Variants in KHDRBS2 observed in about 807,000 individuals in gnomAD.
The protein encoded by KHDRBS2 is KH domain-containing, RNA-binding, signal transduction-associated protein 2.
Under a neutral mutation model 44.3 loss-of-function variants are expected in KHDRBS2, and 26 were observed. That is an observed-to-expected ratio of 0.59 (90% CI 0.43 to 0.81). The LOEUF is 0.81. Among genes scored for constraint, KHDRBS2 ranks in the 40% least tolerant of loss-of-function variants. The pLI, the probability that KHDRBS2 is intolerant of heterozygous loss-of-function variation, is 0.00. For synonymous variants in KHDRBS2, 194 were observed against 151.1 expected (o/e 1.28, Z -2.08); for missense variants, 476 against 433.1 (o/e 1.10, Z -0.88).
intron 1 of KHDRBS2, among the ~76,000 whole-genome samples, chr6:62,229,858 C>G (rs1832608599): frequency 6.6e-6 from 1 of 152,174 alleles, no homozygotes; most frequent in Non-Finnish European, 1.5e-5. Flanking sequence ...AATCTGGATA[C>G]CTCGGTTGCT....
chr6:61,997,818 G>A (rs1169851484), intron 3 of KHDRBS2, among the ~76,000 whole-genome samples: 1 of 152,074 alleles, frequency 6.6e-6, no homozygotes, highest in Non-Finnish European at 1.5e-5. Context: ...ACATTCTGTT[G>A]CCATTCTCCA....
At chr6:61,657,264 C>T in the KHDRBS2 span, among the ~76,000 whole-genome samples, 3 of 151,952 alleles carry the variant, frequency 2.0e-5, no homozygotes, top group Non-Finnish European at 4.4e-5. Context: ...CGACTTTTAC[C>T]CTTATTTTCA....
At chr6:61,671,679 T>C in the KHDRBS2 span, among the ~76,000 whole-genome samples, 459 of 151,834 alleles carry the variant, frequency 3.0e-3, 5 homozygotes, top group African/African-American at 0.011. Flanking sequence ...AACTAGAATT[T>C]AACTAGAATT....
intron 4 of KHDRBS2, among the ~76,000 whole-genome samples, chr6:61,907,392 A>G (rs1476183362): frequency 6.6e-6 from 1 of 152,136 alleles, no homozygotes; most frequent in African/African-American, 2.4e-5. Context: ...TTTGCTGTGC[A>G]GAAGCCTTTT....
intron 2 of KHDRBS2, among the ~76,000 whole-genome samples, chr6:62,146,317 G>A (rs762910812): frequency 6.6e-6 from 1 of 151,704 alleles, no homozygotes; most frequent in Non-Finnish European, 1.5e-5. Flanking sequence ...GGTGGCATAC[G>A]ATCCAAGGTT....
At chr6:61,588,119 G>GTTCAAT in the KHDRBS2 span, among the ~76,000 whole-genome samples, 1 of 152,182 alleles carries the variant, frequency 6.6e-6, no homozygotes, top group African/African-American at 2.4e-5. Context: ...GGAGCCCTTA[G>GTTCAAT]TTCCATTTCC....
intron 6 of KHDRBS2, among the ~76,000 whole-genome samples, chr6:61,788,117 G>A (rs76087742): frequency 1.3e-5 from 2 of 151,414 alleles, no homozygotes; most frequent in South Asian, 2.1e-4. Context: ...TTACAAATAC[G>A]GACAAAATAA....
chr6:61,631,737 T>G, the KHDRBS2 span, among the ~76,000 whole-genome samples: 1 of 152,150 alleles, frequency 6.6e-6, no homozygotes, highest in Non-Finnish European at 1.5e-5. Flanking sequence ...AGTTATTTTG[T>G]TAAACAACTT....
intron 6 of KHDRBS2, among the ~76,000 whole-genome samples, chr6:61,754,056 A>G (rs1359616822): frequency 6.6e-6 from 1 of 152,168 alleles, no homozygotes; most frequent in East Asian, 1.9e-4. Flanking sequence ...ACAAGTTCTC[A>G]TGACACCTTT....
intron 6 of KHDRBS2, among the ~76,000 whole-genome samples, chr6:61,749,454 T>G (rs1040426054): frequency 1.3e-5 from 2 of 152,218 alleles, no homozygotes; most frequent in Non-Finnish European, 2.9e-5. Context: ...CAAACTTTAC[T>G]GTAGAAGCAT....
chr6:61,822,791 G>T lies in KHDRBS2; in HGVS notation c.810+71844C>A, dbSNP rs1790148522. ...ACTCTATCTTCATTCTCTAAGCTGT[G>T]ACATGGGCTATAACCTCAACTAAAT... On this transcript the variant is annotated intron_variant, in intron 6 of 8. Transcript: ENST00000281156. Among the ~76,000 whole-genome samples the T allele has an allele frequency of 2.6e-5, 4 of 152,084 alleles. No homozygotes were observed. The South Asian group carries it at 8.3e-4, about 32-fold the overall frequency.
intron 2 of KHDRBS2, among the ~76,000 whole-genome samples, chr6:62,121,845 T>G (rs1395440296): frequency 6.6e-6 from 1 of 152,176 alleles, no homozygotes; most frequent in Non-Finnish European, 1.5e-5. Flanking sequence ...TAAATCTGAC[T>G]AAAATTCAGG....
At chr6:61,826,918 C>A (rs1322872475) in intron 6 of KHDRBS2, among the ~76,000 whole-genome samples, 3 of 152,108 alleles carry the variant, frequency 2.0e-5, no homozygotes, top group Non-Finnish European at 4.4e-5. Flanking sequence ...ACATAGCTAG[C>A]TAGAAGATGC....
chr6:62,162,401 C>T lies in KHDRBS2; in HGVS notation c.219+14784G>A, dbSNP rs191824197. 2.0e-5 allele frequency among the ~76,000 whole-genome samples: 3 copies of T among 152,144 alleles called. No individual in the cohort carries two copies. The East Asian group carries it at 5.8e-4, about 29-fold the overall frequency. On this transcript the variant is annotated intron_variant, in intron 2 of 8. Transcript: ENST00000281156. Reference sequence around the variant, plus strand: ...CATTTTAGCACTTGAGATATATTTTCCCACTGCCTTCTGGTCTCTATAGTT... The same window carrying T: ...CATTTTAGCACTTGAGATATATTTTTCCACTGCCTTCTGGTCTCTATAGTT...
chr6:61,971,471 A>G (rs964210428), intron 4 of KHDRBS2, among the ~76,000 whole-genome samples: 2 of 152,138 alleles, frequency 1.3e-5, no homozygotes, highest in Non-Finnish European at 2.9e-5. Flanking sequence ...CTAGAAGTTG[A>G]AGATACATTT....
At chr6:61,568,642 C>G in the KHDRBS2 span, among the ~76,000 whole-genome samples, 1 of 152,082 alleles carries the variant, frequency 6.6e-6, no homozygotes, top group African/African-American at 2.4e-5. Context: ...ACTGGAGAAT[C>G]TGAAAATCCA....
chr6:62,037,714 A>T (rs1785595783), intron 3 of KHDRBS2, among the ~76,000 whole-genome samples: 1 of 152,006 alleles, frequency 6.6e-6, no homozygotes, highest in African/African-American at 2.4e-5. Flanking sequence ...TAGTGATGCT[A>T]AAATTGTAGA....
At chr6:62,260,613 T>G (rs188423274) in intron 1 of KHDRBS2, among the ~76,000 whole-genome samples, 241 of 152,110 alleles carry the variant, frequency 1.6e-3, no homozygotes, top group Non-Finnish European at 2.8e-3. Flanking sequence ...AAAAGAAAAC[T>G]TCATTAATCT....
chr6:62,054,518 A>C (rs1789823678), intron 2 of KHDRBS2, among the ~76,000 whole-genome samples: 1 of 152,096 alleles, frequency 6.6e-6, no homozygotes, highest in African/African-American at 2.4e-5. Flanking sequence ...TGATTAAATT[A>C]GAGATCTTGA....
Sources: allele counts gnomAD v4.1 joint callset (sites outside exome capture counted in the v4.1 genomes callset), GRCh38; gene constraint gnomAD v4.1.1; transcripts MANE v1.5; gene names NCBI Gene and HGNC (gene_info 2026-07-23, HGNC 2026-07-21).